LPAR3: variants seen among roughly 807,000 people sequenced by gnomAD.
LPAR3 encodes the protein LPA receptor 3.
Under a neutral mutation model 17.8 loss-of-function variants are expected in LPAR3, and 7 were observed. The observed-to-expected ratio is 0.39, with a 90% CI of 0.22 to 0.74. LPAR3 has a LOEUF of 0.74. Ranked by LOEUF, LPAR3 falls within the 30% of genes least tolerant of loss-of-function variation. The probability of loss-of-function intolerance (pLI) is 0.40; values close to 1 mark genes in which losing one functional copy is unlikely to be tolerated. For missense variants in LPAR3, 391 were observed against 453.4 expected (o/e 0.86, Z 1.25); for synonymous variants, 179 against 179.9 (o/e 0.99, Z 0.04).
intron 1 of LPAR3, among the ~76,000 whole-genome samples, chr1:84,885,518 T>C (rs1225344912): frequency 6.6e-6 from 1 of 152,268 alleles, no homozygotes; most frequent in Non-Finnish European, 1.5e-5. Flanking sequence ...TTTGCTTTCC[T>C]TCCATTCCTA....
At chr1:84,852,143 T>A (rs906021663) in intron 2 of LPAR3, among the ~76,000 whole-genome samples, 1 of 151,306 alleles carries the variant, frequency 6.6e-6, no homozygotes. Context: ...TTCTGCCTCC[T>A]GGGCCCAAGC....
chr1:84,851,961 A>G (rs537469907), intron 2 of LPAR3, among the ~76,000 whole-genome samples: 1 of 152,268 alleles, frequency 6.6e-6, no homozygotes, highest in South Asian at 2.1e-4. Flanking sequence ...GGGAATCCAG[A>G]CGGAGATGAC....
chr1:84,830,334 C>A (rs1279123278), intron 2 of LPAR3, among the ~76,000 whole-genome samples: 2 of 152,186 alleles, frequency 1.3e-5, no homozygotes, highest in African/African-American at 4.8e-5. Flanking sequence ...AGAGACAGGG[C>A]AAGCCAAAGG....
intron 2 of LPAR3, among the ~76,000 whole-genome samples, chr1:84,848,818 A>G (rs1387137468): frequency 6.6e-6 from 1 of 152,162 alleles, no homozygotes; most frequent in African/African-American, 2.4e-5. Flanking sequence ...GCATTCGTTA[A>G]GTTTGCCACA....
chr1:84,879,969 G>C (rs1460273482), intron 1 of LPAR3, among the ~76,000 whole-genome samples: 1 of 152,200 alleles, frequency 6.6e-6, no homozygotes, highest in Non-Finnish European at 1.5e-5. Context: ...TAAACACTCA[G>C]AAATGTTTAT....
At chr1:84,890,235 A>G (rs1163072175) in intron 1 of LPAR3, among the ~76,000 whole-genome samples, 2 of 100,638 alleles carry the variant, frequency 2.0e-5, no homozygotes, top group Non-Finnish European at 4.0e-5. Flanking sequence ...GGGAGGAACA[A>G]AAGGCCCATG....
intron 2 of LPAR3, among the ~76,000 whole-genome samples, chr1:84,861,463 G>A (rs1659939277): frequency 6.6e-6 from 1 of 151,814 alleles, no homozygotes; most frequent in Non-Finnish European, 1.5e-5. Flanking sequence ...TCCCACCTTT[G>A]GTTACTAACT....
At chr1:84,872,640 G>C (rs1459730791) in intron 1 of LPAR3, among the ~76,000 whole-genome samples, 1 of 152,108 alleles carries the variant, frequency 6.6e-6, no homozygotes, top group Non-Finnish European at 1.5e-5. Context: ...GGAAAGATGA[G>C]ACAAATCTCC....
chr1:84,882,642 C>A (rs1660387342), intron 1 of LPAR3, among the ~76,000 whole-genome samples: 3 of 152,080 alleles, frequency 2.0e-5, no homozygotes. Flanking sequence ...ACATATAGAC[C>A]AGTGGAAAAG....
At chr1:84,818,813 T>C (rs1028700512) in intron 2 of LPAR3, among the ~76,000 whole-genome samples, 1 of 152,230 alleles carries the variant, frequency 6.6e-6, no homozygotes, top group Non-Finnish European at 1.5e-5. Flanking sequence ...AGACATCATA[T>C]TGTTTAGATT....
At chr1:84,836,138 A>C (rs1288706973) in intron 2 of LPAR3, among the ~76,000 whole-genome samples, 2 of 149,412 alleles carry the variant, frequency 1.3e-5, no homozygotes, top group Non-Finnish European at 3.0e-5. Context: ...GGAGTTCAAG[A>C]CCAACCTGGG....
chr1:84,883,926 A>T (rs1285897316), intron 1 of LPAR3, among the ~76,000 whole-genome samples: 1 of 152,234 alleles, frequency 6.6e-6, no homozygotes, highest in Non-Finnish European at 1.5e-5. Flanking sequence ...TTGTTAAATA[A>T]TAAATCATAA....
At chr1:84,816,424 ATC>A (rs1411331302) in intron 2 of LPAR3, among the ~76,000 whole-genome samples, 1 of 152,206 alleles carries the variant, frequency 6.6e-6, no homozygotes, top group African/African-American at 2.4e-5. Flanking sequence ...CCCTTTGTAC[ATC>A]TCAGAACAAT....
chr1:84,855,257 G>C (rs1484045956), intron 2 of LPAR3, among the ~76,000 whole-genome samples: 1 of 152,224 alleles, frequency 6.6e-6, no homozygotes, highest in African/African-American at 2.4e-5. Flanking sequence ...CATGGAATTT[G>C]ATAAAATTCT....
Position 84,813,985 on chromosome 1 carries a change from A to T in LPAR3, c.923T>A (p.Ile308Asn). The change falls in exon 3 of 3, where the codon ATC (isoleucine) becomes AAC (asparagine). Residue 308 changes from isoleucine (I) to asparagine (N), a missense_variant. Transcript: ENST00000370611. ...TGGGTTCTCCTGAGAGAAGCAGCAG[A>T]TCATCTTCTTCATGGTGCCATACAT... is the stretch of plus-strand genomic sequence containing the variant. ...EDMYGTMKKM[I>N]CCFSQENPER... 1 of 1,614,194 alleles carries T rather than the reference A, an allele frequency of 6.2e-7. No homozygotes were observed. The highest frequency in any genetic ancestry group is 8.5e-7 in the Non-Finnish European group (1 of 1,180,028).
intron 1 of LPAR3, among the ~76,000 whole-genome samples, chr1:84,868,767 G>A (rs568049679): frequency 2.0e-4 from 31 of 152,234 alleles, no homozygotes; most frequent in African/African-American, 6.7e-4. Context: ...GCAGAGACCA[G>A]GCCCTCACCA....
intron 2 of LPAR3, among the ~76,000 whole-genome samples, chr1:84,829,164 T>C (rs2102748784): frequency 1.4e-5 from 2 of 147,294 alleles, no homozygotes; most frequent in East Asian, 4.0e-4. Context: ...TTTTTTTTTT[T>C]TTTTTTTTTT....
rs906631815 is a variant in LPAR3, at chr1:84,813,550, C to T, written c.*296G>A. 1.6e-5 allele frequency: 5 copies of T among 308,218 alleles called. No individual in the cohort carries two copies. The highest frequency in any genetic ancestry group is 5.7e-5 in the East Asian group (1 of 17,460). 19.1% of individuals were successfully genotyped at this position (308,218 alleles called of 1,614,324 possible). ...TTTTAAAATACAAAGAGAATGGCTACGAAATGGTGCCAGAACCCAGAAGGC... is the reference window on the plus strand; with the variant it reads ...TTTTAAAATACAAAGAGAATGGCTATGAAATGGTGCCAGAACCCAGAAGGC... On this transcript the variant is annotated 3_prime_UTR_variant, in exon 3 of 3. Transcript: ENST00000370611.
chr1:84,817,025 T>C (rs965306406), intron 2 of LPAR3, among the ~76,000 whole-genome samples: 1 of 152,176 alleles, frequency 6.6e-6, no homozygotes, highest in Admixed American at 6.5e-5. Flanking sequence ...TTGAATTTTA[T>C]CTACTAGTTC....
Sources: gnomAD v4.1 joint callset for allele counts (sites outside exome capture counted in the v4.1 genomes callset) on GRCh38, gnomAD v4.1.1 for gene constraint, MANE v1.5 for transcripts, NCBI Gene and HGNC (gene_info 2026-07-23, HGNC 2026-07-21) for gene names.